PHYKPL: variants seen among roughly 807,000 people sequenced by gnomAD.
PHYKPL encodes 5-phosphonooxy-L-lysine phospho-lyase.
In PHYKPL, 42 loss-of-function variants were observed where a neutral mutation model predicts 51.3. That is an observed-to-expected ratio of 0.82 (90% confidence interval 0.64 to 1.06). The LOEUF (loss-of-function observed/expected upper bound fraction) is 1.06. Ranked by LOEUF, PHYKPL falls within the 50% of genes least tolerant of loss-of-function variation. The probability of loss-of-function intolerance (pLI) is 0.00; values close to 1 mark genes in which losing one functional copy is unlikely to be tolerated. For missense variants in PHYKPL, 655 were observed against 586.6 expected, an observed-to-expected ratio of 1.12 and a Z score of -1.20; for synonymous variants, 264 against 236.0, an observed-to-expected ratio of 1.12 and a Z score of -1.09.
At position 178,225,564 on chromosome 5, in the gene PHYKPL, T is replaced by G. The variant is rs975644622; in HGVS notation, c.339-135A>C. 6.2e-6 allele frequency: 5 copies of G among 803,078 alleles called. No homozygotes were observed. In the African/African-American group the frequency reaches 8.5e-5, roughly 14 times the overall value. 49.7% of individuals were successfully genotyped at this position (803,078 alleles called of 1,614,324 possible). On this transcript the variant is annotated intron_variant, in intron 3 of 12. Coordinates refer to ENST00000308158, the MANE Select transcript of PHYKPL (RefSeq NM_153373.4). Reference sequence around the variant, plus strand: ...AACTAGTCAGTCACTTGCTTGTTTGTTTGGTATATATCAAATGCCTCCTAT... The same window carrying G: ...AACTAGTCAGTCACTTGCTTGTTTGGTTGGTATATATCAAATGCCTCCTAT...
At chr5:178,213,498 A>C (rs927426270) in intron 10 of PHYKPL, among the ~76,000 whole-genome samples, 1 of 151,246 alleles carries the variant, frequency 6.6e-6, no homozygotes, top group African/African-American at 2.5e-5. Flanking sequence ...TGGTGTAATG[A>C]GCTCCACGTG....
At chr5:178,229,837 T>TC (rs1168952385) in intron 3 of PHYKPL, 103 bp downstream of exon 3, 1 of 1,442,292 alleles carries the variant, frequency 6.9e-7, no homozygotes, top group African/African-American at 1.4e-5. Flanking sequence ...GGGCTGCCTC[T>TC]CCGAGTCCAC....
At chr5:178,210,095 A>C in intron 12 of PHYKPL, 1 of 1,608,074 alleles carries the variant, frequency 6.2e-7, no homozygotes. Flanking sequence ...CGTATGCTAA[A>C]TGGTCCACGG....
chr5:178,216,399 G>T (rs1378042255), intron 8 of PHYKPL: 3 of 152,186 alleles, frequency 2.0e-5, no homozygotes, highest in Non-Finnish European at 4.4e-5. Context: ...ACTCTTGGCT[G>T]AGTGACTTAC....
intron 3 of PHYKPL, 138 bp downstream of exon 3, chr5:178,229,802 G>C: frequency 1.9e-6 from 2 of 1,075,924 alleles, no homozygotes; most frequent in Admixed American, 5.0e-5. Context: ...CTACAGCCGG[G>C]AATCTCAGGA....
At chr5:178,222,998 C>G (rs948385922) in intron 6 of PHYKPL, 64 bp from the exon 7 acceptor site, 130 of 1,507,268 alleles carry the variant, frequency 8.6e-5, no homozygotes, top group African/African-American at 1.4e-5. Flanking sequence ...TTAGCGTGCC[C>G]TGCTAGTGCT....
intron 10 of PHYKPL, 119 bp downstream of exon 10, chr5:178,214,677 A>G (rs963516737): frequency 1.3e-4 from 114 of 899,152 alleles, no homozygotes; most frequent in Non-Finnish European, 1.7e-4. Flanking sequence ...CCCTCTTTCA[A>G]TCAAGTCTGT....
Position 178,225,437 on chromosome 5 carries a change from C to T in PHYKPL, c.339-8G>A, listed in dbSNP as rs758919308. ...AGGTCATTGGCTTCTGACCTATGAC[C>T]GAAAAGGTGGGCATGACTGAGAGAG... On this transcript the variant is annotated splice_polypyrimidine_tract_variant and splice_region_variant and intron_variant, in intron 3 of 12. Transcript: ENST00000308158. 33 of 1,613,938 alleles carry T rather than the reference C, an allele frequency of 2.0e-5. No individual in the cohort carries two copies. In the African/African-American group the frequency reaches 2.8e-4, roughly 14 times the overall value.
In PHYKPL at chr5:178,229,966, G is replaced by C. The variant is rs767742613; in HGVS notation, c.312C>G (p.Leu104=). The C allele has an allele frequency of 2.5e-6, 4 of 1,614,162 alleles. No individual in the cohort carries two copies. The Admixed American group carries it at 5.0e-5, about 20-fold the overall frequency. ...CAGAATTCAGGAAATAGAACACACAGAGCTGCTCCGGCAGGGTCTCTGACA... is the reference window on the plus strand; with the variant it reads ...CAGAATTCAGGAAATAGAACACACACAGCTGCTCCGGCAGGGTCTCTGACA... ...QRLSETLPEQ[L]CVFYFLNSGS... is the part of the protein sequence containing the mutation. The change falls in exon 3 of 13, where the codon CTC becomes CTG. Residue 104 remains leucine (L), a synonymous_variant. Coordinates refer to ENST00000308158, the MANE Select transcript of PHYKPL (RefSeq NM_153373.4).
chr5:178,207,304 C>T (rs781227650), downstream of PHYKPL: 96 of 1,542,476 alleles, frequency 6.2e-5, no homozygotes, highest in Non-Finnish European at 7.8e-5. Context: ...GGGGTTGGGC[C>T]TCATGCAGGA....
intron 12 of PHYKPL, 63 bp downstream of exon 12, chr5:178,211,827 C>T (rs1758538149): frequency 1.6e-6 from 2 of 1,218,526 alleles, no homozygotes; most frequent in Non-Finnish European, 2.4e-6. Flanking sequence ...GCCGAGGCTG[C>T]TTGCTGCTGA....
rs1183248697 is a variant in PHYKPL at position 178,232,561 on chromosome 5, C to T, written c.-11G>A. ...CTGGTCTGCGGCCATGGTGGGTGGC[C>T]GTCAGTCGGTGCCGTGACGCCACGC... On this transcript the variant is annotated 5_prime_UTR_variant, in exon 1 of 13. Coordinates refer to ENST00000308158, the MANE Select transcript of PHYKPL (RefSeq NM_153373.4). 2.2e-5 allele frequency: 28 copies of T among 1,278,824 alleles called. No individual in the cohort carries two copies. The highest frequency in any genetic ancestry group is 2.8e-5 in the Non-Finnish European group (28 of 1,016,086). The allele number at this position is 1,278,824 out of a possible 1,614,324, so 79.2% of individuals were successfully genotyped here.
intron 10 of PHYKPL, among the ~76,000 whole-genome samples, chr5:178,213,955 G>A (rs929836630): frequency 6.6e-6 from 1 of 152,140 alleles, no homozygotes; most frequent in African/African-American, 2.4e-5. Flanking sequence ...TGTGAGACAC[G>A]GGCTGAACTT....
chr5:178,208,061 G>A (rs1393857623), downstream of PHYKPL, among the ~76,000 whole-genome samples: 1 of 152,182 alleles, frequency 6.6e-6, no homozygotes, highest in African/African-American at 2.4e-5. Flanking sequence ...CTTAAATCCA[G>A]GGTCAGTTGT....
In PHYKPL at chr5:178,232,539, G is replaced by C; in HGVS notation, c.12C>G (p.Asp4Glu). 11 of 1,317,144 alleles carry C rather than the reference G, an allele frequency of 8.4e-6. No individual in the cohort carries two copies. The highest frequency in any genetic ancestry group is 9.6e-6 in the Non-Finnish European group (10 of 1,039,906). The allele number at this position is 1,317,144 out of a possible 1,614,324, so 81.6% of individuals were successfully genotyped here. ...CCAGCGTGTCGGCCTTCGGGCGCTG[G>C]TCTGCGGCCATGGTGGGTGGCCGTC... MAA[D>E]QRPKADTLAL... The change falls in exon 1 of 13, where the codon GAC becomes GAG. Residue 4 changes from aspartate (D) to glutamate (E), a missense_variant. Asp to Glu is a conservative substitution (Grantham distance 45). Coordinates refer to ENST00000308158, the MANE Select transcript of PHYKPL (RefSeq NM_153373.4).
At chr5:178,215,002 CAGA>C in intron 9 of PHYKPL, 117 bp from the exon 10 acceptor site, 1 of 939,456 alleles carries the variant, frequency 1.1e-6, no homozygotes, top group Non-Finnish European at 1.6e-6. Flanking sequence ...GAGGCACCTT[CAGA>C]AGGTGGTGAG....
In PHYKPL at chr5:178,231,457, C is replaced by T. The variant is rs1042530645; in HGVS notation, c.126G>A (p.Met42Ile). The T allele has an allele frequency of 6.2e-7, 1 of 1,614,208 alleles. No homozygotes were observed. The highest frequency in any genetic ancestry group is 8.5e-7 in the Non-Finnish European group (1 of 1,180,042). ...TGTATTCTGCCCCCTGTTCATCGTA[C>T]ATGTACTGCCCTTGGGCCCGGACAA... Reference protein sequence around the residue: ...VKIVRAQGQYMYDEQGAEYID... With the variant: ...VKIVRAQGQYIYDEQGAEYID... The change falls in exon 2 of 13, where the codon ATG (methionine) becomes ATA (isoleucine). Residue 42 changes from methionine (M) to isoleucine (I), a missense_variant. Physicochemically the swap from Met to Ile is conservative, Grantham distance 10. Coordinates refer to ENST00000308158, the MANE Select transcript of PHYKPL (RefSeq NM_153373.4).
Position 178,222,926 on chromosome 5 carries a change from G to A in PHYKPL, c.627C>T (p.Ala209=). 1 of 1,614,136 alleles carries A rather than the reference G, an allele frequency of 6.2e-7. No homozygotes were observed. The highest frequency in any genetic ancestry group is 1.6e-4 in the Middle Eastern group (1 of 6,062). Residue 209 remains alanine (A), a synonymous_variant, in exon 7 of 13, where the codon GCC becomes GCT. Coordinates refer to ENST00000308158, the MANE Select transcript of PHYKPL (RefSeq NM_153373.4). ...SAQEKGRKIA[A]FFAESLPSVG... ...CACTGGGCAGAGACTCAGCGAAGAAGGCTGCAATCTGTGAAGAGATGGACA... is the reference window on the plus strand; with the variant it reads ...CACTGGGCAGAGACTCAGCGAAGAAAGCTGCAATCTGTGAAGAGATGGACA...
At chr5:178,209,437 T>C (rs748557865) in intron 12 of PHYKPL, 2 of 1,613,286 alleles carry the variant, frequency 1.2e-6, no homozygotes, top group Admixed American at 3.3e-5. Flanking sequence ...GAGGTGGTGG[T>C]GGAGGTGGAG....
Sources: allele counts gnomAD v4.1 joint callset (sites outside exome capture counted in the v4.1 genomes callset), GRCh38; gene constraint gnomAD v4.1.1; transcripts MANE v1.5; gene names NCBI Gene and HGNC (gene_info 2026-07-23, HGNC 2026-07-21).